Variants in UMAD1 observed in about 807,000 individuals in gnomAD.
UMAD1 encodes the protein UBAP1-MVB12-associated (UMA) domain containing 1.
A neutral mutation model predicts 6.1 loss-of-function variants in UMAD1; 8 were observed. The observed-to-expected ratio is 1.30, with a 90% confidence interval of 0.76 to 2.35. The LOEUF is 2.35. UMAD1 is among the 30% of genes most tolerant of loss of function. The pLI, the probability that UMAD1 is intolerant of heterozygous loss-of-function variation, is 0.00. For missense variants in UMAD1, 130 were observed against 78.4 expected (o/e 1.66, Z -2.49); for synonymous variants, 56 against 31.4 (o/e 1.78, Z -2.61).
In UMAD1 at chr7:7,878,134, C is replaced by G. The variant is rs140476605; in HGVS notation, c.*596C>G. The G allele has an allele frequency of 3.3e-5, 5 of 152,474 alleles. No individual in the cohort carries two copies. The highest frequency in any genetic ancestry group is 1.2e-4 in the African/African-American group (5 of 41,444). 9.4% of individuals were successfully genotyped at this position (152,474 alleles called of 1,614,324 possible). A position where few individuals can be genotyped will look rare whatever the true frequency, so the allele number is the denominator to read the frequency against. ...GTGCTCTTTCTGGAGTGGCCCATTT[C>G]GGTTTTCTGAAACCCATGGCAGCCC... On this transcript the variant is annotated 3_prime_UTR_variant, in exon 4 of 4. Transcript: ENST00000682710.
chr7:7,709,517 G>T (rs990390185), intron 2 of UMAD1, among the ~76,000 whole-genome samples: 5 of 152,200 alleles, frequency 3.3e-5, no homozygotes, highest in African/African-American at 1.2e-4. Flanking sequence ...ATGACTGGGG[G>T]ACTTGAAGTT....
At chr7:7,752,821 T>C (rs1440387032) in intron 2 of UMAD1, among the ~76,000 whole-genome samples, 1 of 152,158 alleles carries the variant, frequency 6.6e-6, no homozygotes, top group East Asian at 1.9e-4. Flanking sequence ...ATTTAAAATT[T>C]GTAATTTTTC....
At chr7:7,716,933 A>C (rs1274698386) in intron 2 of UMAD1, among the ~76,000 whole-genome samples, 1 of 152,130 alleles carries the variant, frequency 6.6e-6, no homozygotes, top group Non-Finnish European at 1.5e-5. Context: ...TGCCCTATGT[A>C]AATCAGACAC....
intron 2 of UMAD1, among the ~76,000 whole-genome samples, chr7:7,767,817 C>T (rs1782019591): frequency 6.6e-6 from 1 of 152,194 alleles, no homozygotes; most frequent in Non-Finnish European, 1.5e-5. Flanking sequence ...TAGTGAGAGG[C>T]AAGGCTGAGA....
At position 7,728,223 on chromosome 7, in the gene UMAD1, GACATAAAGATCTAGGGTACCTCT is replaced by G. The variant is rs139532892; in HGVS notation, c.82+54773_82+54795del. Among the ~76,000 whole-genome samples the G allele has an allele frequency of 2.3e-3, 350 of 152,270 alleles. 10 individuals are homozygous for G. In the East Asian group the frequency reaches 0.062, roughly 27 times the overall value. ...CTGTAGGAATCTTTATAGTCAACTTGACATAAAGATCTAGGGTACCTCTACCTGGGAAAATCCTGGTTCTCGCT... is the reference window on the plus strand; with the variant it reads ...CTGTAGGAATCTTTATAGTCAACTTGACCTGGGAAAATCCTGGTTCTCGCT... On this transcript the variant is annotated intron_variant, in intron 2 of 3. Coordinates refer to ENST00000682710, the MANE Select transcript of UMAD1 (RefSeq NM_001302348.2).
intron 1 of UMAD1, among the ~76,000 whole-genome samples, chr7:7,649,158 C>CAAAAAAAAAAAAA (rs34943326): frequency 1.1e-4 from 14 of 128,870 alleles, no homozygotes; most frequent in Non-Finnish European, 1.9e-4. Context: ...GACTCCATCT[C>CAAAAAAAAAAAAA]AAAAAAAAAA....
chr7:7,783,722 A>G (rs1381071464), intron 2 of UMAD1, among the ~76,000 whole-genome samples: 2 of 152,256 alleles, frequency 1.3e-5, no homozygotes, highest in South Asian at 2.1e-4. Context: ...AAAGCACCAA[A>G]GCCAGAAACA....
At chr7:7,669,199 C>T (rs1302403815) in intron 1 of UMAD1, among the ~76,000 whole-genome samples, 1 of 151,868 alleles carries the variant, frequency 6.6e-6, no homozygotes, top group Non-Finnish European at 1.5e-5. Context: ...TTTCAGGTGT[C>T]TACTTGGGAT....
At chr7:7,788,852 A>T (rs1421609401) in intron 2 of UMAD1, among the ~76,000 whole-genome samples, 6 of 152,244 alleles carry the variant, frequency 3.9e-5, no homozygotes, top group Non-Finnish European at 7.3e-5. Flanking sequence ...TCCCATCTTC[A>T]GAGGAAATCT....
intron 3 of UMAD1, among the ~76,000 whole-genome samples, chr7:7,802,960 A>G (rs1399100109): frequency 1.3e-5 from 2 of 152,226 alleles, no homozygotes; most frequent in East Asian, 1.9e-4. Flanking sequence ...TTATTTAAAG[A>G]TGTGATATAG....
At chr7:7,653,423 T>C (rs1785271342) in intron 1 of UMAD1, among the ~76,000 whole-genome samples, 2 of 152,222 alleles carry the variant, frequency 1.3e-5, no homozygotes, top group Admixed American at 6.5e-5. Flanking sequence ...AGTAATCTTA[T>C]CTTCTAAACC....
chr7:7,876,067 CA>C (rs1784413044), intron 3 of UMAD1, among the ~76,000 whole-genome samples: 1 of 152,094 alleles, frequency 6.6e-6, no homozygotes, highest in African/African-American at 2.4e-5. Context: ...AAATAACAAA[CA>C]AAAACCACGT....
chr7:7,746,826 CTTA>C (rs777373539), intron 2 of UMAD1, among the ~76,000 whole-genome samples: 22 of 152,140 alleles, frequency 1.4e-4, no homozygotes, highest in Non-Finnish European at 2.6e-4. Flanking sequence ...TTGAGAATGC[CTTA>C]TTATTGGCTT....
At chr7:7,843,946 T>A (rs1419308258) in intron 3 of UMAD1, among the ~76,000 whole-genome samples, 2 of 152,304 alleles carry the variant, frequency 1.3e-5, no homozygotes, top group Middle Eastern at 3.4e-3. Context: ...TGTTTAAAAT[T>A]GACATTTGCT....
intron 2 of UMAD1, among the ~76,000 whole-genome samples, chr7:7,796,376 C>T (rs770125940): frequency 2.7e-5 from 4 of 150,754 alleles, no homozygotes; most frequent in Admixed American, 6.6e-5. Flanking sequence ...TTCAGCCTCC[C>T]GAGTAGCTGG....
At chr7:7,702,527 G>C (rs1005118171) in intron 2 of UMAD1, among the ~76,000 whole-genome samples, 2 of 151,950 alleles carry the variant, frequency 1.3e-5, no homozygotes, top group Non-Finnish European at 2.9e-5. Context: ...TCTAATACTT[G>C]AAATAGCTAT....
chr7:7,720,766 G>T (rs796183672), intron 2 of UMAD1, among the ~76,000 whole-genome samples: 4 of 152,316 alleles, frequency 2.6e-5, no homozygotes, highest in African/African-American at 9.6e-5. Flanking sequence ...TGAAGGCTAA[G>T]TGCAGGTGTG....
At chr7:7,801,797 T>C in intron 3 of UMAD1, 54 bp downstream of exon 3, 1 of 711,788 alleles carries the variant, frequency 1.4e-6, no homozygotes, top group South Asian at 1.5e-5. Context: ...TCACTATGAT[T>C]ACTTATGCCT....
chr7:7,733,856 A>G (rs76738340), intron 2 of UMAD1, among the ~76,000 whole-genome samples: 12,284 of 151,960 alleles, frequency 0.081, 540 homozygotes, highest in African/African-American at 0.12. Context: ...AATTGATTAT[A>G]GACTTCTGTC....
Sources: allele counts gnomAD v4.1 joint callset (sites outside exome capture counted in the v4.1 genomes callset), GRCh38; gene constraint gnomAD v4.1.1; transcripts MANE v1.5; gene names NCBI Gene and HGNC (gene_info 2026-07-23, HGNC 2026-07-21).